MTUS2: variants seen among roughly 807,000 people sequenced by gnomAD.
The protein encoded by MTUS2 is microtubule associated scaffold protein 2.
In MTUS2, 40 loss-of-function variants were observed where a neutral mutation model predicts 114.1. The observed-to-expected ratio is 0.35, with a 90% CI of 0.27 to 0.46. MTUS2 has a LOEUF of 0.46. Among genes scored for constraint, MTUS2 ranks in the 20% least tolerant of loss-of-function variants. The pLI is 1.00. For missense variants in MTUS2, 1,679 were observed against 1,705.4 expected, an observed-to-expected ratio of 0.98 and a Z score of 0.27; for synonymous variants, 688 against 672.0, an observed-to-expected ratio of 1.02 and a Z score of -0.37.
At chr13:29,073,175 C>T (rs2138697353) in intron 4 of MTUS2, among the ~76,000 whole-genome samples, 1 of 152,322 alleles carries the variant, frequency 6.6e-6, no homozygotes, top group Admixed American at 6.5e-5. Flanking sequence ...TGCAGACACT[C>T]AGGTCTTTGG....
intron 4 of MTUS2, among the ~76,000 whole-genome samples, chr13:29,092,751 T>A (rs547942771): frequency 0.3 from 45,462 of 151,674 alleles, 7,170 homozygotes; most frequent in East Asian, 0.6. Context: ...CATGGAGGTC[T>A]CTGGCTGGCA....
intron 6 of MTUS2, among the ~76,000 whole-genome samples, chr13:29,294,315 CATG>C (rs1283566765): frequency 1.3e-5 from 2 of 152,020 alleles, no homozygotes; most frequent in Non-Finnish European, 2.9e-5. Context: ...TTTCCAATAT[CATG>C]ATAAATATGT....
chr13:29,389,760 T>TATATACATAC lies in MTUS2; in HGVS notation c.3117+30291_3117+30292insACATACATAT, dbSNP rs1260059700. ...ATATGTATATACATACATATGTGTG[T>TATATACATAC]ATATGTATATACATACATATGTGTG... On this transcript the variant is annotated intron_variant, in intron 8 of 15. Transcript: ENST00000612955. Among the ~76,000 whole-genome samples the TATATACATAC allele has an allele frequency of 1.1e-3, 10 of 8,784 alleles. 1 individual carries two copies. Among genetic ancestry groups the TATATACATAC allele is most frequent in the African/African-American group, 1.6e-3 (10 of 6,352 alleles). 5.8% of individuals were successfully genotyped at this position (8,784 alleles called of 152,430 possible).
intron 6 of MTUS2, among the ~76,000 whole-genome samples, chr13:29,323,141 A>G (rs1310738900): frequency 6.6e-6 from 1 of 152,240 alleles, no homozygotes; most frequent in African/African-American, 2.4e-5. Context: ...CTGTGTGTAC[A>G]AAGAAACAAG....
At chr13:28,924,694 AG>A (rs1250022262) in intron 2 of MTUS2, among the ~76,000 whole-genome samples, 1 of 152,036 alleles carries the variant, frequency 6.6e-6, no homozygotes, top group Non-Finnish European at 1.5e-5. Context: ...GCTGATGGGG[AG>A]GGTTCTGGCC....
intron 9 of MTUS2, among the ~76,000 whole-genome samples, chr13:29,471,940 C>T (rs1880346984): frequency 6.6e-6 from 1 of 152,168 alleles, no homozygotes; most frequent in African/African-American, 2.4e-5. Context: ...CTTTTGGTCA[C>T]CAGGCCCGAG....
rs1249520647 is a variant in MTUS2, at chr13:29,389,545, ATG to A, written c.3117+30074_3117+30075del. ...TGTATATATGTATACACGTGTGTAT[ATG>A]TATACACGTGTGTATATGTGTACAT... On this transcript the variant is annotated intron_variant, in intron 8 of 15. Coordinates refer to ENST00000612955, the MANE Select transcript of MTUS2 (RefSeq NM_001033602.4). Among the ~76,000 whole-genome samples, 168 of 107,104 alleles carry A rather than the reference ATG, an allele frequency of 1.6e-3. 33 individuals are homozygous for A. Among genetic ancestry groups the A allele is most frequent in the African/African-American group, 8.3e-3 (164 of 19,698 alleles). 70.3% of individuals were successfully genotyped at this position (107,104 alleles called of 152,430 possible).
chr13:29,293,830 C>T (rs1898821935), intron 6 of MTUS2, among the ~76,000 whole-genome samples: 1 of 152,124 alleles, frequency 6.6e-6, no homozygotes, highest in Admixed American at 6.5e-5. Context: ...AGCTATAGAA[C>T]ACAATCTCAT....
rs1415100547 is a variant in MTUS2, at chr13:29,477,812, T to C, written c.3185-2338T>C. 2.6e-5 allele frequency among the ~76,000 whole-genome samples: 4 copies of C among 152,266 alleles called. No individual in the cohort carries two copies. The East Asian group carries it at 7.7e-4, about 29-fold the overall frequency. ...AATTGGTCCATTTTGGGTATCAAAT[T>C]GGACCATTTTTAACACCTTGTCTTC... On this transcript the variant is annotated intron_variant, in intron 9 of 15. Coordinates refer to ENST00000612955, the MANE Select transcript of MTUS2 (RefSeq NM_001033602.4).
chr13:28,865,813 C>G (rs1011003740), intron 2 of MTUS2, among the ~76,000 whole-genome samples: 2 of 152,094 alleles, frequency 1.3e-5, no homozygotes, highest in African/African-American at 4.8e-5. Context: ...GTTGACTGGC[C>G]ACACTAGAGT....
intron 8 of MTUS2, among the ~76,000 whole-genome samples, chr13:29,419,409 A>G (rs2138585650): frequency 6.6e-6 from 1 of 152,278 alleles, no homozygotes; most frequent in East Asian, 1.9e-4. Context: ...CATTGATACC[A>G]CTGAAGGTGG....
At chr13:29,494,840 A>T (rs1593516957) in intron 12 of MTUS2, among the ~76,000 whole-genome samples, 1 of 151,894 alleles carries the variant, frequency 6.6e-6, no homozygotes, top group Non-Finnish European at 1.5e-5. Flanking sequence ...GGACTTCAAG[A>T]CCAGCCTGGC....
At chr13:29,053,603 C>T (rs1311556882) in intron 4 of MTUS2, among the ~76,000 whole-genome samples, 1 of 152,132 alleles carries the variant, frequency 6.6e-6, no homozygotes, top group Non-Finnish European at 1.5e-5. Context: ...GAATATTCAT[C>T]TGCTTTTTGA....
At chr13:29,355,222 G>A (rs772590551) in intron 7 of MTUS2, among the ~76,000 whole-genome samples, 46 of 152,212 alleles carry the variant, frequency 3.0e-4, no homozygotes, top group South Asian at 6.2e-4. Context: ...GCCTTTGCAC[G>A]CAACGCCTAG....
At chr13:29,214,825 A>C (rs567748974) in intron 5 of MTUS2, among the ~76,000 whole-genome samples, 26 of 152,054 alleles carry the variant, frequency 1.7e-4, no homozygotes, top group Non-Finnish European at 3.4e-4. Flanking sequence ...GGTGAATCTG[A>C]TGATTATGTG....
intron 2 of MTUS2, among the ~76,000 whole-genome samples, chr13:28,905,150 T>A (rs1199665900): frequency 6.6e-6 from 1 of 151,606 alleles, no homozygotes; most frequent in East Asian, 1.9e-4. Flanking sequence ...TAAGGAGATT[T>A]TGGGCTGAGA....
chr13:28,894,524 T>A (rs191023057), intron 2 of MTUS2, among the ~76,000 whole-genome samples: 214 of 152,278 alleles, frequency 1.4e-3, no homozygotes, highest in African/African-American at 4.4e-3. Context: ...ATTTCTGTTG[T>A]TTGAGCCAGC....
In MTUS2 at chr13:28,839,325, T is replaced by C. The variant is rs186201960; in HGVS notation, c.-315-453T>C. ...CTTCTGAATTAGAAGAAAATAAGCA[T>C]GACAGTATAAATTTGGTACACAATA... On this transcript the variant is annotated intron_variant, in intron 1 of 15. Coordinates refer to ENST00000612955, the MANE Select transcript of MTUS2 (RefSeq NM_001033602.4). Among the ~76,000 whole-genome samples the C allele has an allele frequency of 2.1e-3, 324 of 152,316 alleles. 1 individual carries two copies. The highest frequency in any genetic ancestry group is 3.6e-3 in the Non-Finnish European group (243 of 68,012).
intron 6 of MTUS2, among the ~76,000 whole-genome samples, chr13:29,299,901 A>C (rs1899120127): frequency 6.6e-6 from 1 of 152,142 alleles, no homozygotes; most frequent in African/African-American, 2.4e-5. Context: ...ACAGCAGTTT[A>C]ATTAGTCTCT....
Sources: allele counts gnomAD v4.1 joint callset (sites outside exome capture counted in the v4.1 genomes callset), GRCh38; gene constraint gnomAD v4.1.1; transcripts MANE v1.5; gene names NCBI Gene and HGNC (gene_info 2026-07-23, HGNC 2026-07-21).